MACROD2: variants seen among roughly 807,000 people sequenced by gnomAD.
MACROD2 encodes mono-ADP ribosylhydrolase 2.
A neutral mutation model predicts 70.4 loss-of-function variants in MACROD2; 36 were observed. That is an observed-to-expected ratio of 0.51 (90% CI 0.39 to 0.68). MACROD2 has a LOEUF of 0.68. Among genes scored for constraint, MACROD2 ranks in the 30% least tolerant of loss-of-function variants. The pLI is 0.00. For missense variants in MACROD2, 496 were observed against 538.4 expected (o/e 0.92, Z 0.78); for synonymous variants, 172 against 178.8 (o/e 0.96, Z 0.30).
chr20:15,278,108 A>T (rs189550649), intron 6 of MACROD2, among the ~76,000 whole-genome samples: 2 of 152,334 alleles, frequency 1.3e-5, no homozygotes, highest in East Asian at 3.9e-4. Flanking sequence ...TACTGCAGTG[A>T]TGTTACAGTT....
At chr20:15,325,053 GT>G (rs1376222342) in intron 6 of MACROD2, among the ~76,000 whole-genome samples, 1 of 150,226 alleles carries the variant, frequency 6.7e-6, no homozygotes, top group African/African-American at 2.4e-5. Flanking sequence ...TTCTGAGGTA[GT>G]AGCAGAGACA....
chr20:14,516,827 A>G (rs1343117898), intron 4 of MACROD2, among the ~76,000 whole-genome samples: 1 of 152,194 alleles, frequency 6.6e-6, no homozygotes, highest in Admixed American at 6.5e-5. Context: ...TCTACAAGGA[A>G]CTTAAATAAA....
chr20:14,734,707 T>C (rs1478238969), intron 5 of MACROD2, among the ~76,000 whole-genome samples: 2 of 152,088 alleles, frequency 1.3e-5, no homozygotes, highest in Non-Finnish European at 2.9e-5. Context: ...AGGAGAAAGT[T>C]GGAGGGTTCA....
intron 5 of MACROD2, among the ~76,000 whole-genome samples, chr20:14,987,919 G>A (rs1162209280): frequency 6.6e-6 from 1 of 152,064 alleles, no homozygotes; most frequent in Non-Finnish European, 1.5e-5. Flanking sequence ...CTGAATTCAA[G>A]GAGAAAGAAG....
chr20:14,528,375 A>G (rs1332399831), intron 4 of MACROD2, among the ~76,000 whole-genome samples: 1 of 148,092 alleles, frequency 6.8e-6, no homozygotes. Flanking sequence ...GCTGGTCTCC[A>G]ACTCCAGACC....
intron 15 of MACROD2, among the ~76,000 whole-genome samples, chr20:16,038,217 CTGAG>C (rs2067260551): frequency 6.6e-6 from 1 of 151,500 alleles, no homozygotes; most frequent in Non-Finnish European, 1.5e-5. Context: ...AATGATTAGA[CTGAG>C]TGATAGTTTT....
intron 4 of MACROD2, among the ~76,000 whole-genome samples, chr20:14,496,049 A>G (rs1035193208): frequency 6.6e-6 from 1 of 152,166 alleles, no homozygotes; most frequent in African/African-American, 2.4e-5. Flanking sequence ...GAATATTTTT[A>G]GCCTTCTCTG....
chr20:14,819,655 T>G (rs2072817348), intron 5 of MACROD2, among the ~76,000 whole-genome samples: 2 of 152,020 alleles, frequency 1.3e-5, no homozygotes, highest in South Asian at 4.2e-4. Flanking sequence ...GAAGACCTCA[T>G]TGATTTTAGG....
chr20:14,911,940 T>C (rs879855254), intron 5 of MACROD2, among the ~76,000 whole-genome samples: 3 of 152,182 alleles, frequency 2.0e-5, no homozygotes, highest in Admixed American at 2.0e-4. Context: ...GATCTAGGCA[T>C]TCTGACTCTA....
At chr20:15,446,889 T>C (rs916951109) in intron 7 of MACROD2, among the ~76,000 whole-genome samples, 3 of 152,202 alleles carry the variant, frequency 2.0e-5, no homozygotes, top group African/African-American at 7.2e-5. Context: ...AACAGCTTTT[T>C]CCATCCTTCA....
At chr20:15,177,523 A>G (rs2076471247) in intron 5 of MACROD2, among the ~76,000 whole-genome samples, 2 of 151,730 alleles carry the variant, frequency 1.3e-5, no homozygotes, top group Non-Finnish European at 2.9e-5. Flanking sequence ...TGACTCATTC[A>G]TCGCCATTGA....
At chr20:14,055,453 A>G (rs2053621040) in intron 2 of MACROD2, among the ~76,000 whole-genome samples, 1 of 148,904 alleles carries the variant, frequency 6.7e-6, no homozygotes, top group Admixed American at 6.8e-5. Context: ...CTCTTCCATT[A>G]GTTATTCTTA....
chr20:14,298,581 A>AAAAAG (rs1555778284), intron 3 of MACROD2, among the ~76,000 whole-genome samples: 5 of 147,054 alleles, frequency 3.4e-5, no homozygotes, highest in East Asian at 2.0e-4. Flanking sequence ...AAAAAAAAAA[A>AAAAAG]AAGAAGTGAA....
intron 5 of MACROD2, among the ~76,000 whole-genome samples, chr20:15,149,258 C>CGTGGA: frequency 6.6e-6 from 1 of 152,064 alleles, no homozygotes; most frequent in South Asian, 2.1e-4. Flanking sequence ...TAGATTTCCA[C>CGTGGA]GATGCAAAGG....
intron 5 of MACROD2, among the ~76,000 whole-genome samples, chr20:14,724,090 G>A (rs903009334): frequency 2.6e-5 from 4 of 151,978 alleles, no homozygotes; most frequent in African/African-American, 4.8e-5. Flanking sequence ...TGAATGTTTT[G>A]TAACATTCAA....
At chr20:14,226,716 T>C (rs1180051023) in intron 3 of MACROD2, among the ~76,000 whole-genome samples, 1 of 152,208 alleles carries the variant, frequency 6.6e-6, no homozygotes, top group Non-Finnish European at 1.5e-5. Context: ...TGTGCTCGAT[T>C]TCTCGCCGGG....
intron 5 of MACROD2, among the ~76,000 whole-genome samples, chr20:15,214,346 T>A (rs1447936553): frequency 6.6e-6 from 1 of 152,016 alleles, no homozygotes; most frequent in African/African-American, 2.4e-5. Context: ...GGACTCTAAG[T>A]CCATGGCTAG....
chr20:15,989,506 A>T lies in MACROD2; in HGVS notation c.1153+2348A>T, dbSNP rs143857861. ...AGAAATAAACACAACCATAACTTCTATTTTTTTAAAAAAGAAACCATTGAG... is the reference window on the plus strand; with the variant it reads ...AGAAATAAACACAACCATAACTTCTTTTTTTTTAAAAAAGAAACCATTGAG... On this transcript the variant is annotated intron_variant, in intron 15 of 17. Coordinates refer to ENST00000684519, the MANE Select transcript of MACROD2 (RefSeq NM_001351661.2). Among the ~76,000 whole-genome samples, 13 of 152,272 alleles carry T rather than the reference A, an allele frequency of 8.5e-5. No homozygotes were observed. In the East Asian group the frequency reaches 2.5e-3, roughly 29 times the overall value.
chr20:14,275,870 T>A (rs2082249822), intron 3 of MACROD2, among the ~76,000 whole-genome samples: 1 of 152,026 alleles, frequency 6.6e-6, no homozygotes, highest in South Asian at 2.1e-4. Flanking sequence ...AAAAAACACA[T>A]GAAAAAATGC....
Sources: allele counts gnomAD v4.1 joint callset (sites outside exome capture counted in the v4.1 genomes callset), GRCh38; gene constraint gnomAD v4.1.1; transcripts MANE v1.5; gene names NCBI Gene and HGNC (gene_info 2026-07-23, HGNC 2026-07-21).